The following TMEM164 variants were observed in gnomAD, a reference collection of about 807,000 sequenced individuals.
The protein encoded by TMEM164 is transmembrane protein 164, also known as RP13-360B22.2.
A neutral mutation model predicts 18.8 loss-of-function variants in TMEM164; 4 were observed. The observed-to-expected ratio is 0.21, with a 90% CI of 0.10 to 0.49. The LOEUF (loss-of-function observed/expected upper bound fraction) is 0.49, where lower values mean the gene tolerates loss of function less well. Ranked by LOEUF, TMEM164 falls within the 20% of genes least tolerant of loss-of-function variation. The probability of loss-of-function intolerance (pLI) is 0.98; values close to 1 mark genes in which losing one functional copy is unlikely to be tolerated. For missense variants in TMEM164, 108 were observed against 239.9 expected (o/e 0.45, Z 3.63); for synonymous variants, 86 against 101.7 (o/e 0.85, Z 0.93).
intron 5 of TMEM164, among the ~76,000 whole-genome samples, chrX:110,169,884 C>T (rs1158529495): frequency 9.0e-6 from 1 of 111,122 alleles, no homozygotes; most frequent in Non-Finnish European, 1.9e-5. Flanking sequence ...CTCCAGCATC[C>T]CCTAGTGTCT....
intron 2 of TMEM164, among the ~76,000 whole-genome samples, chrX:110,036,622 G>A (rs1181334736): frequency 2.7e-5 from 3 of 112,399 alleles, no homozygotes; most frequent in African/African-American, 6.5e-5. Context: ...TTTACAGAAC[G>A]GATTGGGATC....
At chrX:110,106,826 C>T in intron 3 of TMEM164, among the ~76,000 whole-genome samples, 1 of 111,340 alleles carries the variant, frequency 9.0e-6, no homozygotes, top group South Asian at 3.8e-4. Flanking sequence ...GTTAATAGCT[C>T]CTGCTATAGA....
At chrX:110,075,751 C>T (rs997748660) in intron 3 of TMEM164, among the ~76,000 whole-genome samples, 16 of 111,829 alleles carry the variant, frequency 1.4e-4, no homozygotes, top group South Asian at 3.7e-4. Flanking sequence ...GTTTATGTGT[C>T]GAATCACATT....
At chrX:110,022,154 G>C (rs190308765) in intron 2 of TMEM164, among the ~76,000 whole-genome samples, 29 of 111,723 alleles carry the variant, frequency 2.6e-4, no homozygotes, top group African/African-American at 9.5e-4. Context: ...CAATAGTTGA[G>C]AAGACTGGAT....
chrX:110,005,633 T>G (rs936577344), intron 2 of TMEM164, among the ~76,000 whole-genome samples: 2 of 112,428 alleles, frequency 1.8e-5, no homozygotes, highest in Middle Eastern at 4.2e-3. Flanking sequence ...GTGGGCAGCA[T>G]TTTTTAAGAG....
intron 2 of TMEM164, among the ~76,000 whole-genome samples, chrX:110,021,307 T>C (rs989483373): frequency 4.5e-5 from 5 of 111,343 alleles, no homozygotes; most frequent in Non-Finnish European, 1.9e-5. Flanking sequence ...TCATGTGTTT[T>C]GGAGGCTGTG....
intron 3 of TMEM164, among the ~76,000 whole-genome samples, chrX:110,108,473 G>C (rs965811578): frequency 9.0e-6 from 1 of 110,777 alleles, no homozygotes; most frequent in African/African-American, 3.3e-5. Flanking sequence ...TTTTCTTTTT[G>C]TTTTGCTTTT....
intron 5 of TMEM164, among the ~76,000 whole-genome samples, chrX:110,147,560 C>G (rs1034903766): frequency 6.3e-5 from 7 of 111,093 alleles, no homozygotes; most frequent in Non-Finnish European, 1.1e-4. Flanking sequence ...AGAGCACTAT[C>G]TCATCTGTAC....
chrX:110,161,453 G>C (rs1036112796), intron 5 of TMEM164, among the ~76,000 whole-genome samples: 1 of 111,655 alleles, frequency 9.0e-6, no homozygotes, highest in Non-Finnish European at 1.9e-5. Flanking sequence ...GATGAGGGGG[G>C]ACCTGAGGGA....
chrX:110,182,936 A>G (rs2067328780), downstream of TMEM164, among the ~76,000 whole-genome samples: 1 of 111,819 alleles, frequency 8.9e-6, no homozygotes, highest in Non-Finnish European at 1.9e-5. Context: ...TGGTCACAGG[A>G]AGCCGCTTTT....
At chrX:110,079,013 G>A (rs757384252) in intron 3 of TMEM164, among the ~76,000 whole-genome samples, 1 of 111,138 alleles carries the variant, frequency 9.0e-6, no homozygotes, top group South Asian at 3.8e-4. Context: ...AAGAACTGAG[G>A]GTACTGGGAA....
chrX:110,134,689 C>T (rs1007159165), intron 4 of TMEM164, among the ~76,000 whole-genome samples: 2 of 106,629 alleles, frequency 1.9e-5, no homozygotes, highest in Non-Finnish European at 3.8e-5. Flanking sequence ...CTGTGGGCAT[C>T]TGTCCTTACT....
At chrX:110,162,653 C>T (rs946648584) in intron 5 of TMEM164, among the ~76,000 whole-genome samples, 2 of 112,284 alleles carry the variant, frequency 1.8e-5, no homozygotes, top group African/African-American at 3.2e-5. Context: ...CAAATATTCA[C>T]GATCATCTTG....
At chrX:110,102,347 G>A (rs1421121708) in intron 3 of TMEM164, among the ~76,000 whole-genome samples, 5 of 110,625 alleles carry the variant, frequency 4.5e-5, no homozygotes, top group Non-Finnish European at 9.4e-5. Flanking sequence ...GTGAGACTGT[G>A]TTAAAAAAAT....
intron 4 of TMEM164, among the ~76,000 whole-genome samples, chrX:110,127,444 C>T: frequency 9.0e-6 from 1 of 111,578 alleles, no homozygotes; most frequent in African/African-American, 3.3e-5. Context: ...ACCTGGGAGG[C>T]GGAGGTTGTG....
chrX:110,125,512 C>G (rs989694900), intron 4 of TMEM164, among the ~76,000 whole-genome samples: 2 of 111,453 alleles, frequency 1.8e-5, no homozygotes, highest in Admixed American at 1.9e-4. Flanking sequence ...GTGGGGGTTG[C>G]AAATACTAGA....
chrX:110,024,973 ATGT>A (rs906036760), intron 2 of TMEM164, among the ~76,000 whole-genome samples: 1 of 97,514 alleles, frequency 1.0e-5, no homozygotes, highest in African/African-American at 3.9e-5. Flanking sequence ...TAAAATTTTT[ATGT>A]TGTTGTTATT....
chrX:110,153,476 C>T (rs1049585050), intron 5 of TMEM164, among the ~76,000 whole-genome samples: 1 of 112,099 alleles, frequency 8.9e-6, no homozygotes, highest in Non-Finnish European at 1.9e-5. Context: ...TATGGGAGTA[C>T]ATCACGTGAG....
At chrX:110,144,730 C>A in intron 4 of TMEM164, 68 bp from the exon 5 acceptor site, 2 of 949,090 alleles carry the variant, frequency 2.1e-6, no homozygotes, top group Non-Finnish European at 3.0e-6. Flanking sequence ...CAGGGGAGGT[C>A]AACTTTGGAC....
Sources: allele counts gnomAD v4.1 joint callset (sites outside exome capture counted in the v4.1 genomes callset), GRCh38; gene constraint gnomAD v4.1.1; transcripts MANE v1.5; gene names NCBI Gene and HGNC (gene_info 2026-07-23, HGNC 2026-07-21).